Variants in ZNF670 observed in about 807,000 individuals in gnomAD.
The protein encoded by ZNF670 is zinc finger protein 670.
Under a neutral mutation model 10.9 loss-of-function variants are expected in ZNF670, and 7 were observed. The ratio of observed to expected loss-of-function variants is 0.64; its 90% CI spans 0.36 to 1.20. The LOEUF is 1.20. ZNF670 is among the 50% of genes most tolerant of loss of function. The pLI is 0.02. For synonymous variants in ZNF670, 136 were observed against 152.7 expected (o/e 0.89, Z 0.81); for missense variants, 446 against 458.6 (o/e 0.97, Z 0.25).
intron 1 of ZNF670, among the ~76,000 whole-genome samples, chr1:247,067,510 AAAG>A (rs1055820201): frequency 6.6e-6 from 1 of 151,490 alleles, no homozygotes; most frequent in African/African-American, 2.4e-5. Flanking sequence ...ACAGGCAACC[AAAG>A]AAGAAATGGA....
intron 1 of ZNF670, among the ~76,000 whole-genome samples, chr1:247,052,255 G>A (rs1363788268): frequency 6.6e-6 from 1 of 152,172 alleles, no homozygotes; most frequent in African/African-American, 2.4e-5. Context: ...AAGGGCTGTG[G>A]TTCAGATTCT....
chr1:247,050,279 T>C (rs1670560120), intron 1 of ZNF670, among the ~76,000 whole-genome samples: 1 of 152,200 alleles, frequency 6.6e-6, no homozygotes, highest in Admixed American at 6.5e-5. Context: ...ATAATGCTCC[T>C]CTTTCTCTTT....
At position 247,038,352 on chromosome 1, in the gene ZNF670, A is replaced by G. The variant is rs779631152; in HGVS notation, c.267T>C (p.Asn89=). Residue 89 remains asparagine, a synonymous_variant, in exon 4 of 4, where the codon AAT becomes AAC. Transcript: ENST00000366503. ...TAGAAACTTTCTTATTCAGATTCAA[A>G]TTTGAATCCTGGCTGAAGGTTTCTC... ...QYGETFSQDS[N]LNLNKKVSTG... The G allele has an allele frequency of 6.2e-7, 1 of 1,614,130 alleles. No homozygotes were observed. The highest frequency in any genetic ancestry group is 8.5e-7 in the Non-Finnish European group (1 of 1,180,006).
At chr1:247,072,391 G>A (rs1671138930) in intron 1 of ZNF670, among the ~76,000 whole-genome samples, 1 of 151,180 alleles carries the variant, frequency 6.6e-6, no homozygotes, top group African/African-American at 2.4e-5. Flanking sequence ...CTGAACTCAA[G>A]TGATCCGCCC....
intron 1 of ZNF670, among the ~76,000 whole-genome samples, chr1:247,046,932 G>T (rs1280048415): frequency 1.3e-5 from 2 of 152,198 alleles, no homozygotes; most frequent in African/African-American, 4.8e-5. Flanking sequence ...GGGGCTACAG[G>T]CCCCATGCAA....
intron 1 of ZNF670, among the ~76,000 whole-genome samples, chr1:247,069,078 CA>C (rs111819465): frequency 0.25 from 36,255 of 145,080 alleles, 5,647 homozygotes; most frequent in African/African-American, 0.38. Context: ...TAATGGCTGA[CA>C]AAAAAAAAAT....
chr1:247,076,763 C>T (rs767574181), intron 1 of ZNF670, among the ~76,000 whole-genome samples: 15 of 151,806 alleles, frequency 9.9e-5, no homozygotes, highest in Non-Finnish European at 2.1e-4. Flanking sequence ...TGGCCTCAAG[C>T]GATTCTCCTG....
chr1:247,057,324 C>T (rs1338671590), intron 1 of ZNF670, among the ~76,000 whole-genome samples: 4 of 152,096 alleles, frequency 2.6e-5, no homozygotes, highest in African/African-American at 9.7e-5. Flanking sequence ...ATTAAAATGG[C>T]TTTTACCAGG....
chr1:247,062,875 T>A (rs1275598990), intron 1 of ZNF670, among the ~76,000 whole-genome samples: 1 of 150,732 alleles, frequency 6.6e-6, no homozygotes, highest in African/African-American at 2.5e-5. Context: ...CCAGGTCAGA[T>A]ATTCATCAGA....
At chr1:247,077,683 T>G (rs1200607672) in intron 1 of ZNF670, among the ~76,000 whole-genome samples, 1 of 152,182 alleles carries the variant, frequency 6.6e-6, no homozygotes, top group Non-Finnish European at 1.5e-5. Context: ...TAATGTTGCA[T>G]TTGAATATAG....
At chr1:247,074,178 C>T (rs1227559442) in intron 1 of ZNF670, among the ~76,000 whole-genome samples, 1 of 151,830 alleles carries the variant, frequency 6.6e-6, no homozygotes, top group Non-Finnish European at 1.5e-5. Flanking sequence ...TTTTTTTCGC[C>T]TCTTAACTAA....
At chr1:247,056,879 C>T (rs1670731031) in intron 1 of ZNF670, among the ~76,000 whole-genome samples, 1 of 152,176 alleles carries the variant, frequency 6.6e-6, no homozygotes, top group Non-Finnish European at 1.5e-5. Flanking sequence ...TATAAGTTCT[C>T]AAACTATGAA....
At position 247,034,885 on chromosome 1, in the gene ZNF670, G is replaced by A. The variant is rs1310674141; in HGVS notation, c.*2564C>T. Among the ~76,000 whole-genome samples, 3 of 152,192 alleles carry A rather than the reference G, an allele frequency of 2.0e-5. No individual in the cohort carries two copies. The highest frequency in any genetic ancestry group is 6.5e-5 in the Admixed American group (1 of 15,276). On this transcript the variant is annotated 3_prime_UTR_variant, in exon 4 of 4. Transcript: ENST00000366503. ...AAGAACCCAGTGGTGAAGGTGCTGG[G>A]TCACTGCCTCAATGTGGGGTACCTT... is the stretch of plus-strand genomic sequence containing the variant.
chr1:247,073,462 G>A (rs929818556), intron 1 of ZNF670, among the ~76,000 whole-genome samples: 1 of 152,114 alleles, frequency 6.6e-6, no homozygotes, highest in Non-Finnish European at 1.5e-5. Flanking sequence ...CATTCCTAGG[G>A]AATGAGTGAA....
chr1:247,069,068 T>G (rs2172973), intron 1 of ZNF670, among the ~76,000 whole-genome samples: 18,386 of 141,488 alleles, frequency 0.13, 1,665 homozygotes, highest in South Asian at 0.2. Context: ...TGGAGACAGT[T>G]AATGGCTGAC....
chr1:247,035,323 A>T lies in ZNF670; in HGVS notation c.*2126T>A, dbSNP rs1333097220. On this transcript the variant is annotated 3_prime_UTR_variant, in exon 4 of 4. Transcript: ENST00000366503. ...AGTTACATACATTCATAGACAAAAA[A>T]GGGAGGGTTCTGTAAACGAGGCTGG... Among the ~76,000 whole-genome samples, 1 of 152,248 alleles carries T rather than the reference A, an allele frequency of 6.6e-6. No homozygotes were observed. Among genetic ancestry groups the T allele is most frequent in the Non-Finnish European group, 1.5e-5 (1 of 68,040 alleles).
intron 1 of ZNF670, among the ~76,000 whole-genome samples, chr1:247,052,051 G>T (rs1304501783): frequency 6.7e-6 from 1 of 149,740 alleles, no homozygotes. Flanking sequence ...GTGCCTCCAC[G>T]AGTAGCTTAA....
At chr1:247,078,362 A>G (rs76538318) in intron 1 of ZNF670, among the ~76,000 whole-genome samples, 3,488 of 152,274 alleles carry the variant, frequency 0.023, 142 homozygotes, top group African/African-American at 0.078. Flanking sequence ...ATGCGGGTCT[A>G]CAGAGGCAGA....
At chr1:247,059,175 C>T (rs1670793580) in intron 1 of ZNF670, among the ~76,000 whole-genome samples, 1 of 152,274 alleles carries the variant, frequency 6.6e-6, no homozygotes, top group Admixed American at 6.5e-5. Flanking sequence ...GGCGCAGTGG[C>T]TCACACCTGT....
Sources: gnomAD v4.1 joint callset for allele counts (sites outside exome capture counted in the v4.1 genomes callset) on GRCh38, gnomAD v4.1.1 for gene constraint, MANE v1.5 for transcripts, NCBI Gene and HGNC (gene_info 2026-07-23, HGNC 2026-07-21) for gene names.